AKR1C8: variants seen among roughly 807,000 people sequenced by gnomAD.
The protein encoded by AKR1C8 is aldo-keto reductase family 1 member C-like protein 1.
chr10:5,135,653 TA>T, the AKR1C8 span, among the ~76,000 whole-genome samples: 4 of 152,162 alleles, frequency 2.6e-5, no homozygotes, highest in Admixed American at 2.6e-4. Flanking sequence ...TGTTGGACTA[TA>T]AAACAACTCC....
At chr10:5,140,869 C>T in the AKR1C8 span, among the ~76,000 whole-genome samples, 1 of 152,064 alleles carries the variant, frequency 6.6e-6, no homozygotes. Context: ...TATTCCCTCA[C>T]TGTTGATTGC....
chr10:5,156,473 A>C, the AKR1C8 span, among the ~76,000 whole-genome samples: 7 of 152,146 alleles, frequency 4.6e-5, no homozygotes, highest in Non-Finnish European at 8.8e-5. Context: ...TGGTTAAAAA[A>C]AAAATGCTAC....
At chr10:5,163,443 T>C in the AKR1C8 span, among the ~76,000 whole-genome samples, 6 of 152,284 alleles carry the variant, frequency 3.9e-5, no homozygotes, top group African/African-American at 1.4e-4. Context: ...GAGCAATTCT[T>C]GCAAAGCAAC....
At chr10:5,177,116 G>A in the AKR1C8 span, among the ~76,000 whole-genome samples, 1 of 152,168 alleles carries the variant, frequency 6.6e-6, no homozygotes, top group Non-Finnish European at 1.5e-5. Context: ...CTGTGGGTTT[G>A]TCATAGATAG....
chr10:5,120,139 T>C, the AKR1C8 span, among the ~76,000 whole-genome samples: 2 of 152,234 alleles, frequency 1.3e-5, no homozygotes, highest in Admixed American at 6.5e-5. Flanking sequence ...AACAATAGCA[T>C]GAGCGATCTG....
At chr10:5,122,244 G>T in the AKR1C8 span, 5 of 268,310 alleles carry the variant, frequency 1.9e-5, no homozygotes, top group African/African-American at 1.2e-4. Flanking sequence ...ACTTTGCAAG[G>T]GGCAAAGGCA....
the AKR1C8 span, among the ~76,000 whole-genome samples, chr10:5,121,139 A>T: frequency 1.3e-5 from 2 of 151,948 alleles, no homozygotes; most frequent in African/African-American, 2.4e-5. Context: ...AAAAAATTTC[A>T]TTTTTTCCCT....
At chr10:5,135,195 T>C in the AKR1C8 span, 1 of 225,444 alleles carries the variant, frequency 4.4e-6, no homozygotes, top group East Asian at 1.1e-4. Context: ...ATGACCATCA[T>C]TTAGCTCCAC....
chr10:5,165,171 C>A, the AKR1C8 span, among the ~76,000 whole-genome samples: 1 of 152,118 alleles, frequency 6.6e-6, no homozygotes, highest in Non-Finnish European at 1.5e-5. Context: ...CGAGTGAATA[C>A]CCTCCTCCCT....
chr10:5,178,849 T>C, the AKR1C8 span, among the ~76,000 whole-genome samples: 1 of 152,154 alleles, frequency 6.6e-6, no homozygotes, highest in Non-Finnish European at 1.5e-5. Flanking sequence ...TCCTCCATCC[T>C]TTTATTTTGA....
At chr10:5,120,493 C>CT in the AKR1C8 span, among the ~76,000 whole-genome samples, 14 of 151,834 alleles carry the variant, frequency 9.2e-5, no homozygotes, top group South Asian at 1.3e-3. Flanking sequence ...TTCCCGTGTT[C>CT]TTTTTTTTCA....
chr10:5,135,699 A>C, the AKR1C8 span, among the ~76,000 whole-genome samples: 1 of 152,164 alleles, frequency 6.6e-6, no homozygotes, highest in Non-Finnish European at 1.5e-5. Flanking sequence ...TGCCGTGATG[A>C]TGTTTCATCT....
At chr10:5,167,455 T>TA in the AKR1C8 span, among the ~76,000 whole-genome samples, 1,395 of 152,246 alleles carry the variant, frequency 9.2e-3, 23 homozygotes, top group African/African-American at 0.032. Flanking sequence ...TATGCAGCCA[T>TA]AAAAAATTAT....
chr10:5,136,384 C>T, the AKR1C8 span, among the ~76,000 whole-genome samples: 5 of 152,050 alleles, frequency 3.3e-5, no homozygotes, highest in Non-Finnish European at 5.9e-5. Context: ...CTCGTCTCTA[C>T]CAAAAATACA....
chr10:5,165,035 T>C, the AKR1C8 span, among the ~76,000 whole-genome samples: 115 of 152,254 alleles, frequency 7.6e-4, no homozygotes, highest in African/African-American at 2.6e-3. Context: ...TTCAAATAGG[T>C]ACTGATTTTG....
chr10:5,154,191 GAA>G, the AKR1C8 span: 78 of 470,116 alleles, frequency 1.7e-4, no homozygotes, highest in Admixed American at 1.8e-3. Context: ...CACTGAAAGA[GAA>G]AAAATATTAA....
At chr10:5,123,640 A>C in the AKR1C8 span, 12 of 1,388,962 alleles carry the variant, frequency 8.6e-6, no homozygotes, top group African/African-American at 1.4e-5. Flanking sequence ...ACTCCAGGAA[A>C]GAGAGTACCA....
At chr10:5,171,554 G>A in the AKR1C8 span, among the ~76,000 whole-genome samples, 1 of 151,990 alleles carries the variant, frequency 6.6e-6, no homozygotes, top group South Asian at 2.1e-4. Context: ...ATATTAGTGT[G>A]CTATTAATTT....
At chr10:5,178,761 G>T in the AKR1C8 span, among the ~76,000 whole-genome samples, 4 of 151,894 alleles carry the variant, frequency 2.6e-5, no homozygotes, top group South Asian at 2.1e-4. Flanking sequence ...GATCTTTGTT[G>T]GTTTGAAATC....
Sources: gnomAD v4.1 joint callset for allele counts (sites outside exome capture counted in the v4.1 genomes callset) on GRCh38, gnomAD v4.1.1 for gene constraint, MANE v1.5 for transcripts, NCBI Gene and HGNC (gene_info 2026-07-23, HGNC 2026-07-21) for gene names.